Variants in TIMP1 observed in about 807,000 individuals in gnomAD.
TIMP1 encodes TIMP metallopeptidase inhibitor 1, also known as metalloproteinase inhibitor 1.
A neutral mutation model predicts 13.7 loss-of-function variants in TIMP1; 5 were observed. The observed-to-expected ratio is 0.36, with a 90% CI of 0.19 to 0.76. The LOEUF (loss-of-function observed/expected upper bound fraction) is 0.76, where lower values mean the gene tolerates loss of function less well. Ranked by LOEUF, TIMP1 falls within the 30% of genes least tolerant of loss-of-function variation. TIMP1 has a pLI of 0.51. For synonymous variants in TIMP1, 63 were observed against 67.1 expected (o/e 0.94, Z 0.30); for missense variants, 131 against 168.4 (o/e 0.78, Z 1.23).
At chrX:47,584,287 A>T (rs1034245884) in intron 2 of TIMP1, among the ~76,000 whole-genome samples, 1 of 111,249 alleles carries the variant, frequency 9.0e-6, no homozygotes, top group African/African-American at 3.3e-5. Context: ...ATTGAGGATG[A>T]TCAGGTATTG....
Position 47,585,941 on chromosome X carries a change from C to T in TIMP1, c.453+274C>T, listed in dbSNP as rs756982376. 6 of 1,093,336 alleles carry T rather than the reference C, an allele frequency of 5.5e-6. No individual in the cohort carries two copies. The South Asian group carries it at 1.2e-4, about 22-fold the overall frequency. The allele number at this position is 1,093,336 out of a possible 1,213,427, so 90.1% of individuals were successfully genotyped here. A position where few individuals can be genotyped will look rare whatever the true frequency, so the allele number is the denominator to read the frequency against. ...CCCTTGTGACTATTCTGTAATCCCA[C>T]TCCCCGTTCCTGAGCCCCCGGGATT... On this transcript the variant is annotated intron_variant, in intron 5 of 5. Coordinates refer to ENST00000218388, the MANE Select transcript of TIMP1 (RefSeq NM_003254.3).
intron 1 of TIMP1, among the ~76,000 whole-genome samples, chrX:47,582,810 C>T (rs1482338081): frequency 1.0e-5 from 1 of 99,578 alleles, no homozygotes; most frequent in African/African-American, 3.7e-5. Flanking sequence ...CTAACCCCTG[C>T]AGCTCCCTAA....
In TIMP1 at chrX:47,586,002, A is replaced by G. The variant is rs748654557; in HGVS notation, c.453+335A>G. ...TCCCCAGAATGTTCTCCAAGAACCC[A>G]AAGTGCTGTTCCCTAATCCCACTGA... On this transcript the variant is annotated intron_variant, in intron 5 of 5. Transcript: ENST00000218388. 19 of 1,018,679 alleles carry G rather than the reference A, an allele frequency of 1.9e-5. No homozygotes were observed. The South Asian group carries it at 3.8e-4, about 21-fold the overall frequency. 84.0% of individuals were successfully genotyped at this position (1,018,679 alleles called of 1,213,427 possible).
chrX:47,586,146 T>G (rs2147919572), intron 5 of TIMP1: 1 of 941,163 alleles, frequency 1.1e-6, no homozygotes, highest in East Asian at 6.1e-5. Flanking sequence ...TGATGGCCTC[T>G]GAGCCCAGTG....
At chrX:47,584,293 T>G (rs760490188) in intron 2 of TIMP1, among the ~76,000 whole-genome samples, 5 of 110,453 alleles carry the variant, frequency 4.5e-5, no homozygotes, top group Non-Finnish European at 9.5e-5. Flanking sequence ...GATGATCAGG[T>G]ATTGAGGATG....
At chrX:47,582,853 G>C (rs1346660323) in intron 1 of TIMP1, among the ~76,000 whole-genome samples, 2 of 56,965 alleles carry the variant, frequency 3.5e-5, no homozygotes, top group South Asian at 9.7e-4. Context: ...CAGTTCCCCA[G>C]CTCCCAAACT....
rs983319112 is a variant in TIMP1 at position 47,583,389 on chromosome X, A to AC, written c.-8-18dup. The AC allele has an allele frequency of 8.5e-7, 1 of 1,178,151 alleles. No individual in the cohort carries two copies. The highest frequency in any genetic ancestry group is 1.8e-5 in the African/African-American group (1 of 56,059). ...GATCAGCTGGGCCGGGGCCTGCCTGACATCCCCCTTCCCCACAGAACCCAC... is the reference window on the plus strand; with the variant it reads ...GATCAGCTGGGCCGGGGCCTGCCTGACCATCCCCCTTCCCCACAGAACCCAC... On this transcript the variant is annotated intron_variant, in intron 1 of 5. Transcript: ENST00000218388.
rs929340940 is a variant in TIMP1, at chrX:47,586,154, G to A, written c.454-367G>A. 7 of 944,848 alleles carry A rather than the reference G, an allele frequency of 7.4e-6. 1 individual carries two copies. The highest frequency in any genetic ancestry group is 9.3e-6 in the Non-Finnish European group (7 of 754,293). The allele number at this position is 944,848 out of a possible 1,213,427, so 77.9% of individuals were successfully genotyped here. A position where few individuals can be genotyped will look rare whatever the true frequency, so the allele number is the denominator to read the frequency against. On this transcript the variant is annotated intron_variant, in intron 5 of 5. Transcript: ENST00000218388. Reference sequence around the variant, plus strand: ...TGGCTCCTGATGGCCTCTGAGCCCAGTGACTATCTTGAAGCCCCACTGGCT... The same window carrying A: ...TGGCTCCTGATGGCCTCTGAGCCCAATGACTATCTTGAAGCCCCACTGGCT...
intron 1 of TIMP1, 41 bp downstream of exon 1, chrX:47,582,515 G>A: frequency 3.0e-6 from 1 of 335,041 alleles, no homozygotes; most frequent in Admixed American, 3.1e-5. Flanking sequence ...ACCGGAGCTG[G>A]GCTGCAGCTT....
chrX:47,585,953 G>A, intron 5 of TIMP1: 1 of 1,076,491 alleles, frequency 9.3e-7, no homozygotes, highest in Non-Finnish European at 1.2e-6. Context: ...CCCCGTTCCT[G>A]AGCCCCCGGG....
At chrX:47,583,308 C>G (rs1222133821) in intron 1 of TIMP1, 100 bp from the exon 2 acceptor site, 1 of 655,294 alleles carries the variant, frequency 1.5e-6, no homozygotes, top group East Asian at 3.5e-5. Flanking sequence ...GCCCCCTAAT[C>G]CCCCCCATAG....
intron 5 of TIMP1, chrX:47,586,091 T>C (rs1285062493): frequency 1.5e-5 from 14 of 944,871 alleles, no homozygotes; most frequent in Non-Finnish European, 1.7e-5. Context: ...CAGAGGGTGT[T>C]ACACTGACCT....
rs41454248 is a variant in TIMP1, at chrX:47,585,524, G to A, written c.329-19G>A. ...AATCACAAGCTGCTTGTCGGTCCCC[G>A]CCCCGCCTTTCTCCTTAGGAAAACT... is the stretch of plus-strand genomic sequence containing the variant. On this transcript the variant is annotated intron_variant, in intron 4 of 5. Coordinates refer to ENST00000218388, the MANE Select transcript of TIMP1 (RefSeq NM_003254.3). 6.1e-3 allele frequency: 7,340 copies of A among 1,196,994 alleles called. 174 individuals are homozygous for A. In the Admixed American group the frequency reaches 0.092, roughly 15 times the overall value.
At chrX:47,584,157 T>G (rs2057812179) in intron 2 of TIMP1, among the ~76,000 whole-genome samples, 1 of 111,167 alleles carries the variant, frequency 9.0e-6, no homozygotes, top group Non-Finnish European at 1.9e-5. Flanking sequence ...AGACATCACC[T>G]GGGGGATGGT....
rs764066211 is a variant in TIMP1 at position 47,586,568 on chromosome X, T to C, written c.501T>C (p.His167=). 1 of 1,212,038 alleles carries C rather than the reference T, an allele frequency of 8.3e-7. No homozygotes were observed. Among genetic ancestry groups the C allele is most frequent in the Non-Finnish European group, 1.1e-6 (1 of 895,542 alleles). ...CCTGCAAACTGCAGAGTGGCACTCA[T>C]TGCTTGTGGACGGACCAGCTCCTCC... ...SIPCKLQSGT[H]CLWTDQLLQG... The change falls in exon 6 of 6, where the codon CAT becomes CAC. Residue 167 remains histidine (H), a synonymous_variant. Coordinates refer to ENST00000218388, the MANE Select transcript of TIMP1 (RefSeq NM_003254.3).
chrX:47,586,535 A>G lies in TIMP1; in HGVS notation c.468A>G (p.Leu156=). The change falls in exon 6 of 6, where the codon TTA becomes TTG. Residue 156 remains leucine (L), a synonymous_variant. Transcript: ENST00000218388. ...GCEECTVFPC[L]SIPCKLQSGT... is the part of the protein sequence containing the mutation. ...CTCCCTTCCAGGTGTTTCCCTGTTT[A>G]TCCATCCCCTGCAAACTGCAGAGTG... The G allele has an allele frequency of 8.3e-7, 1 of 1,211,388 alleles. No homozygotes were observed. The highest frequency in any genetic ancestry group is 1.1e-6 in the Non-Finnish European group (1 of 895,253).
intron 1 of TIMP1, 94 bp from the exon 2 acceptor site, chrX:47,583,314 C>T: frequency 1.3e-6 from 1 of 792,009 alleles, no homozygotes; most frequent in Non-Finnish European, 1.8e-6. Context: ...TAATCCCCCC[C>T]ATAGGCTGCC....
At chrX:47,586,000 C>A in intron 5 of TIMP1, 1 of 1,020,569 alleles carries the variant, frequency 9.8e-7, no homozygotes, top group Admixed American at 3.0e-5. Context: ...CTCCAAGAAC[C>A]CAAAGTGCTG....
rs1233778856 is a variant in TIMP1 at position 47,583,511 on chromosome X, G to A, written c.96G>A (p.Gln32=). 8.3e-7 allele frequency: 1 copy of A among 1,199,627 alleles called. No individual in the cohort carries two copies. Among genetic ancestry groups the A allele is most frequent in the African/African-American group, 1.8e-5 (1 of 56,900 alleles). The part of the protein sequence containing the change: ...RACTCVPPHP[Q]TAFCNSDLVI... ...GCACCTGTGTCCCACCCCACCCACA[G>A]ACGGCCTTCTGCAATTCCGACCTCG... Residue 32 remains glutamine, a synonymous_variant, in exon 2 of 6, where the codon CAG becomes CAA. Coordinates refer to ENST00000218388, the MANE Select transcript of TIMP1 (RefSeq NM_003254.3).
Sources: gnomAD v4.1 joint callset for allele counts (sites outside exome capture counted in the v4.1 genomes callset) on GRCh38, gnomAD v4.1.1 for gene constraint, MANE v1.5 for transcripts, NCBI Gene and HGNC (gene_info 2026-07-23, HGNC 2026-07-21) for gene names.